ZC3H18: variants seen among roughly 807,000 people sequenced by gnomAD.
ZC3H18 encodes zinc finger CCCH-type containing 18, also known as zinc finger CCCH domain-containing protein 18.
A neutral mutation model predicts 106.1 loss-of-function variants in ZC3H18; 8 were observed. That is an observed-to-expected ratio of 0.08 (90% CI 0.04 to 0.14). The LOEUF is 0.14. Among genes scored for constraint, ZC3H18 ranks in the 10% least tolerant of loss-of-function variants. The pLI, the probability that ZC3H18 is intolerant of heterozygous loss-of-function variation, is 1.00. For missense variants in ZC3H18, 1,318 were observed against 1,278.4 expected (o/e 1.03, Z -0.47); for synonymous variants, 635 against 522.1 (o/e 1.22, Z -2.95).
chr16:88,628,361 G>A (rs1407401762), intron 15 of ZC3H18, among the ~76,000 whole-genome samples: 2 of 152,100 alleles, frequency 1.3e-5, no homozygotes, highest in Non-Finnish European at 2.9e-5. Context: ...CGTTCTCTTC[G>A]TGCCTGTGGC....
At chr16:88,574,466 C>T (rs1914612985) in intron 1 of ZC3H18, among the ~76,000 whole-genome samples, 1 of 151,376 alleles carries the variant, frequency 6.6e-6, no homozygotes, top group Admixed American at 6.6e-5. Flanking sequence ...GCCTTGGCCT[C>T]CCAAAGTGCT....
chr16:88,630,958 G>C (rs759734464), intron 17 of ZC3H18, 143 bp from the exon 18 acceptor site: 175 of 1,031,654 alleles, frequency 1.7e-4, no homozygotes, highest in Non-Finnish European at 2.3e-4. Flanking sequence ...GCTTGTGGCA[G>C]TGGGAGCCTG....
chr16:88,631,777 T>C lies in ZC3H18; in HGVS notation c.*478T>C. On this transcript the variant is annotated 3_prime_UTR_variant, in exon 18 of 18. Transcript: ENST00000301011. ...CCCCGGATCAGAAATATATCTATAT[T>C]CTCGACTAAAGTCTCATCAGGAAAT... is the stretch of plus-strand genomic sequence containing the variant. 1.2e-5 allele frequency: 4 copies of C among 335,172 alleles called. No homozygotes were observed. The highest frequency in any genetic ancestry group is 8.8e-5 in the South Asian group (4 of 45,656). The allele number at this position is 335,172 out of a possible 1,614,324, so 20.8% of individuals were successfully genotyped here.
chr16:88,603,243 G>A (rs1254554639), intron 6 of ZC3H18, among the ~76,000 whole-genome samples: 1 of 151,856 alleles, frequency 6.6e-6, no homozygotes, highest in Non-Finnish European at 1.5e-5. Context: ...TGGGATGACA[G>A]GCGTGAGCCA....
intron 6 of ZC3H18, among the ~76,000 whole-genome samples, chr16:88,607,147 GT>G (rs1353368919): frequency 6.6e-6 from 1 of 152,158 alleles, no homozygotes; most frequent in African/African-American, 2.4e-5. Flanking sequence ...TCCCCTCCCT[GT>G]TCAATGAAGA....
intron 3 of ZC3H18, among the ~76,000 whole-genome samples, chr16:88,592,566 C>T (rs1156334209): frequency 6.6e-6 from 1 of 152,186 alleles, no homozygotes; most frequent in African/African-American, 2.4e-5. Context: ...CCTCCACCTC[C>T]CGGGTTCAAA....
In ZC3H18 at chr16:88,630,727, A is replaced by G. The variant is rs1906612194; in HGVS notation, c.2663+146A>G. Reference sequence around the variant, plus strand: ...CTGCTGGTCTGACGGGGTGAGGGGCATGGACAGCGAATTGCAGCCCCACCC... The same window carrying G: ...CTGCTGGTCTGACGGGGTGAGGGGCGTGGACAGCGAATTGCAGCCCCACCC... On this transcript the variant is annotated intron_variant, in intron 17 of 17. Coordinates refer to ENST00000301011, the MANE Select transcript of ZC3H18 (RefSeq NM_144604.4). 60 of 544,882 alleles carry G rather than the reference A, an allele frequency of 1.1e-4. No homozygotes were observed. In the South Asian group the frequency reaches 1.2e-3, roughly 11 times the overall value. 33.8% of individuals were successfully genotyped at this position (544,882 alleles called of 1,614,324 possible). A position where few individuals can be genotyped will look rare whatever the true frequency, so the allele number is the denominator to read the frequency against.
chr16:88,596,082 C>T (rs140373900), intron 3 of ZC3H18, among the ~76,000 whole-genome samples: 6 of 152,246 alleles, frequency 3.9e-5, no homozygotes, highest in African/African-American at 7.2e-5. Flanking sequence ...TCAGCACCCC[C>T]GGGCAGGTGG....
At chr16:88,573,998 C>T (rs1597314819) in intron 1 of ZC3H18, among the ~76,000 whole-genome samples, 2 of 151,606 alleles carry the variant, frequency 1.3e-5, no homozygotes, top group Admixed American at 6.6e-5. Flanking sequence ...CTCAGCCTCC[C>T]GAGCAGCTGG....
At chr16:88,630,170 T>G in intron 16 of ZC3H18, 1 of 316,618 alleles carries the variant, frequency 3.2e-6, no homozygotes. Flanking sequence ...ATGTCTTTCT[T>G]GTTGTTCCGT....
chr16:88,630,930 G>T (rs1257597738), intron 17 of ZC3H18, among the ~76,000 whole-genome samples, 171 bp from the exon 18 acceptor site: 4 of 152,382 alleles, frequency 2.6e-5, no homozygotes, highest in South Asian at 2.1e-4. Context: ...CCGGGAGCCA[G>T]TGGCTAGGAC....
At chr16:88,616,594 T>G (rs1173309731) in intron 8 of ZC3H18, among the ~76,000 whole-genome samples, 1 of 152,176 alleles carries the variant, frequency 6.6e-6, no homozygotes, top group African/African-American at 2.4e-5. Flanking sequence ...TGCTTCCTTC[T>G]CCCTTATCAG....
chr16:88,577,097 C>G lies in ZC3H18; in HGVS notation c.-14-13C>G. 6.6e-7 allele frequency: 1 copy of G among 1,509,142 alleles called. No individual in the cohort carries two copies. The highest frequency in any genetic ancestry group is 8.9e-7 in the Non-Finnish European group (1 of 1,128,906). 93.5% of individuals were successfully genotyped at this position (1,509,142 alleles called of 1,614,324 possible). A position where few individuals can be genotyped will look rare whatever the true frequency, so the allele number is the denominator to read the frequency against. ...TTGCTAAAGGCTGTCAATCTGTATT[C>G]TCTCTTTTGCAGAACCGTGGGTACC... On this transcript the variant is annotated splice_polypyrimidine_tract_variant and intron_variant, in intron 1 of 17. Coordinates refer to ENST00000301011, the MANE Select transcript of ZC3H18 (RefSeq NM_144604.4).
rs118039623 is a variant in ZC3H18, at chr16:88,573,271, T to C, written c.-15+2705T>C. On this transcript the variant is annotated intron_variant, in intron 1 of 17. Coordinates refer to ENST00000301011, the MANE Select transcript of ZC3H18 (RefSeq NM_144604.4). Reference sequence around the variant, plus strand: ...CTGGGGAGATGTGAACTACCTGCCCTTCTATGAGGAAGATGTTTATACATT... The same window carrying C: ...CTGGGGAGATGTGAACTACCTGCCCCTCTATGAGGAAGATGTTTATACATT... Among the ~76,000 whole-genome samples the C allele has an allele frequency of 4.8e-3, 726 of 152,168 alleles. 10 individuals carry two copies. Among genetic ancestry groups the C allele is most frequent in the Non-Finnish European group, 8.0e-3 (545 of 67,926 alleles).
intron 13 of ZC3H18, 117 bp downstream of exon 13, chr16:88,625,384 C>T (rs1906239656): frequency 7.8e-7 from 1 of 1,274,884 alleles, no homozygotes; most frequent in Admixed American, 2.0e-5. Flanking sequence ...CCTTCTGGAT[C>T]TGAGTCACCC....
chr16:88,590,899 A>G (rs1040040276), intron 3 of ZC3H18, among the ~76,000 whole-genome samples: 1 of 150,630 alleles, frequency 6.6e-6, no homozygotes, highest in Admixed American at 6.6e-5. Flanking sequence ...GTGAACAAGC[A>G]TCCCAGTCCA....
At chr16:88,585,266 T>C (rs763670482) in intron 2 of ZC3H18, among the ~76,000 whole-genome samples, 1 of 152,254 alleles carries the variant, frequency 6.6e-6, no homozygotes, top group Non-Finnish European at 1.5e-5. Flanking sequence ...TAACCAGATA[T>C]CTTTGAGGCA....
At chr16:88,608,875 G>A in intron 6 of ZC3H18, 59 bp from the exon 7 acceptor site, 1 of 1,380,638 alleles carries the variant, frequency 7.2e-7, no homozygotes. Flanking sequence ...TGTTTCGTGT[G>A]GTCTTTTTAC....
At chr16:88,575,510 A>G (rs934089087) in intron 1 of ZC3H18, among the ~76,000 whole-genome samples, 1 of 152,006 alleles carries the variant, frequency 6.6e-6, no homozygotes, top group Non-Finnish European at 1.5e-5. Flanking sequence ...CTGCCCTGGT[A>G]GTGGTGGTGT....
Sources: allele counts gnomAD v4.1 joint callset (sites outside exome capture counted in the v4.1 genomes callset), GRCh38; gene constraint gnomAD v4.1.1; transcripts MANE v1.5; gene names NCBI Gene and HGNC (gene_info 2026-07-23, HGNC 2026-07-21).